Variants in PTPN14 observed in about 807,000 individuals in gnomAD.
PTPN14 encodes the protein tyrosine-protein phosphatase non-receptor type 14.
A neutral mutation model predicts 126.8 loss-of-function variants in PTPN14; 53 were observed. The observed-to-expected ratio is 0.42, with a 90% CI of 0.34 to 0.53. The LOEUF is 0.53. Among genes scored for constraint, PTPN14 ranks in the 20% least tolerant of loss-of-function variants. The pLI, the probability that PTPN14 is intolerant of heterozygous loss-of-function variation, is 0.08. For missense variants in PTPN14, 1,257 were observed against 1,552.9 expected (o/e 0.81, Z 3.20); for synonymous variants, 630 against 599.3 (o/e 1.05, Z -0.75).
intron 3 of PTPN14, among the ~76,000 whole-genome samples, chr1:214,449,910 T>C (rs7519193): frequency 0.015 from 2,272 of 151,210 alleles, 57 homozygotes; most frequent in African/African-American, 0.052. Flanking sequence ...GGTAGAAGGA[T>C]CACCTGAGGC....
intron 17 of PTPN14, among the ~76,000 whole-genome samples, chr1:214,368,034 C>G (rs1392917062): frequency 6.6e-6 from 1 of 152,114 alleles, no homozygotes. Flanking sequence ...AGCCATTGAG[C>G]AAATTTCAGT....
chr1:214,483,105 C>T, intron 1 of PTPN14: 1 of 1,611,282 alleles, frequency 6.2e-7, no homozygotes, highest in Non-Finnish European at 8.5e-7. Context: ...TCTAATGTTT[C>T]CACAAATACT....
intron 1 of PTPN14, among the ~76,000 whole-genome samples, chr1:214,488,256 T>A (rs1228518279): frequency 6.6e-6 from 1 of 152,212 alleles, no homozygotes; most frequent in Non-Finnish European, 1.5e-5. Flanking sequence ...TTCACAGTAA[T>A]TTGAGCCACA....
chr1:214,388,188 C>A (rs1389018139), intron 11 of PTPN14, among the ~76,000 whole-genome samples: 1 of 152,200 alleles, frequency 6.6e-6, no homozygotes, highest in Non-Finnish European at 1.5e-5. Context: ...CTAATGTAAT[C>A]TAGAGCAAGC....
chr1:214,467,443 C>T (rs1038747364), intron 1 of PTPN14, among the ~76,000 whole-genome samples: 7 of 152,282 alleles, frequency 4.6e-5, no homozygotes, highest in Non-Finnish European at 7.3e-5. Context: ...TGGCTTGGTA[C>T]GCATTTATCC....
chr1:214,501,438 C>T (rs1196472744), intron 1 of PTPN14, among the ~76,000 whole-genome samples: 2 of 151,934 alleles, frequency 1.3e-5, no homozygotes, highest in Non-Finnish European at 2.9e-5. Context: ...GACGGGGCTT[C>T]GTGATGTTGG....
intron 5 of PTPN14, among the ~76,000 whole-genome samples, chr1:214,404,120 AC>A (rs1254623097): frequency 6.6e-6 from 1 of 152,186 alleles, no homozygotes; most frequent in African/African-American, 2.4e-5. Context: ...TGAAAACACT[AC>A]CCCTAAAAAT....
chr1:214,543,298 C>G (rs1655886859), intron 1 of PTPN14, among the ~76,000 whole-genome samples: 1 of 152,142 alleles, frequency 6.6e-6, no homozygotes, highest in African/African-American at 2.4e-5. Context: ...CTCCCATGAT[C>G]TACAACATTT....
In PTPN14 at chr1:214,376,313, C is replaced by T; in HGVS notation, c.2813G>A (p.Arg938Gln). 6.2e-7 allele frequency: 1 copy of T among 1,614,144 alleles called. No homozygotes were observed. The highest frequency in any genetic ancestry group is 8.5e-7 in the Non-Finnish European group (1 of 1,180,024). ...AALPENAERS[R>Q]IREVVPYEEN... ...CTCATAGGGGACAACTTCACGGATTCGGCTGCGCTCGGCGTTTTCTGGCAG... is the reference window on the plus strand; with the variant it reads ...CTCATAGGGGACAACTTCACGGATTTGGCTGCGCTCGGCGTTTTCTGGCAG... Residue 938 changes from arginine (R) to glutamine (Q), a missense_variant, in exon 15 of 19, where the codon CGA (arginine) becomes CAA (glutamine). Physicochemically the swap from Arg to Gln is conservative, Grantham distance 43. Coordinates refer to ENST00000366956, the MANE Select transcript of PTPN14 (RefSeq NM_005401.5).
chr1:214,494,542 G>A (rs1558128781), intron 1 of PTPN14, among the ~76,000 whole-genome samples: 3 of 152,200 alleles, frequency 2.0e-5, no homozygotes, highest in African/African-American at 7.2e-5. Context: ...ACCCTGCCAA[G>A]TTAGCCAACT....
In PTPN14 at chr1:214,351,229, C is replaced by T. The variant is rs1657701800; in HGVS notation, c.*6693G>A. On this transcript the variant is annotated 3_prime_UTR_variant, in exon 19 of 19. Transcript: ENST00000366956. ...GTGTGGTGGTGCACGCCTATAATCCCAGCTACTTTGGAGGCTGCACTCCAG... is the reference window on the plus strand; with the variant it reads ...GTGTGGTGGTGCACGCCTATAATCCTAGCTACTTTGGAGGCTGCACTCCAG... 6.7e-6 allele frequency: 1 copy of T among 150,182 alleles called. No individual in the cohort carries two copies. The highest frequency in any genetic ancestry group is 2.1e-4 in the South Asian group (1 of 4,742). 9.3% of individuals were successfully genotyped at this position (150,182 alleles called of 1,614,324 possible). A position where few individuals can be genotyped will look rare whatever the true frequency, so the allele number is the denominator to read the frequency against.
intron 1 of PTPN14, among the ~76,000 whole-genome samples, chr1:214,534,530 G>A (rs892529948): frequency 1.3e-5 from 2 of 151,858 alleles, no homozygotes; most frequent in African/African-American, 2.4e-5. Context: ...TGGCTAACAC[G>A]GTGAAACCCC....
At chr1:214,521,219 A>G (rs946454010) in intron 1 of PTPN14, among the ~76,000 whole-genome samples, 3 of 152,242 alleles carry the variant, frequency 2.0e-5, no homozygotes, top group Non-Finnish European at 4.4e-5. Flanking sequence ...AATATTTCTC[A>G]TATAAATGCA....
chr1:214,525,962 CTT>C (rs34019620), intron 1 of PTPN14, among the ~76,000 whole-genome samples: 4,400 of 130,032 alleles, frequency 0.034, 112 homozygotes, highest in African/African-American at 0.074. Flanking sequence ...CTAAAGTCAA[CTT>C]TTTTTTTTTT....
chr1:214,504,925 T>C (rs934680925), intron 1 of PTPN14, among the ~76,000 whole-genome samples: 1 of 152,080 alleles, frequency 6.6e-6, no homozygotes, highest in Non-Finnish European at 1.5e-5. Flanking sequence ...TTTAGGTTGA[T>C]CCAAACCCCC....
chr1:214,422,385 T>C (rs548003089), intron 3 of PTPN14, among the ~76,000 whole-genome samples: 2 of 152,292 alleles, frequency 1.3e-5, no homozygotes, highest in Admixed American at 6.5e-5. Flanking sequence ...GGAACACCAA[T>C]GCTCCATGCT....
intron 5 of PTPN14, 94 bp from the exon 6 acceptor site, chr1:214,403,047 G>T: frequency 8.0e-7 from 1 of 1,247,768 alleles, no homozygotes; most frequent in African/African-American, 1.5e-5. Flanking sequence ...AGATGTTCCT[G>T]ATTAGTCACA....
intron 1 of PTPN14, among the ~76,000 whole-genome samples, chr1:214,482,079 G>C (rs188713274): frequency 1.3e-5 from 2 of 151,798 alleles, no homozygotes; most frequent in Non-Finnish European, 2.9e-5. Flanking sequence ...AACTGATTTG[G>C]ACACACAAAA....
chr1:214,445,666 T>G (rs561479819), intron 3 of PTPN14, among the ~76,000 whole-genome samples: 4 of 152,210 alleles, frequency 2.6e-5, no homozygotes, highest in Non-Finnish European at 5.9e-5. Flanking sequence ...TTAAAAGTTT[T>G]CTCTTTAGTA....
Sources: allele counts gnomAD v4.1 joint callset (sites outside exome capture counted in the v4.1 genomes callset), GRCh38; gene constraint gnomAD v4.1.1; transcripts MANE v1.5; gene names NCBI Gene and HGNC (gene_info 2026-07-23, HGNC 2026-07-21).